ENOX1: variants seen among roughly 807,000 people sequenced by gnomAD.
ENOX1 encodes ecto-NOX disulfide-thiol exchanger 1.
ENOX1 carries 42 observed loss-of-function variants against 82.5 expected under a neutral mutation model. The observed-to-expected ratio is 0.51, with a 90% CI of 0.40 to 0.66. The LOEUF (loss-of-function observed/expected upper bound fraction) is 0.66. Ranked by LOEUF, ENOX1 falls within the 30% of genes least tolerant of loss-of-function variation. The probability of loss-of-function intolerance (pLI) is 0.00; values close to 1 mark genes in which losing one functional copy is unlikely to be tolerated. For missense variants in ENOX1, 608 were observed against 811.6 expected (o/e 0.75, Z 3.05); for synonymous variants, 271 against 282.2 (o/e 0.96, Z 0.40).
At position 43,235,249 on chromosome 13, in the gene ENOX1, CA is replaced by C. The variant is rs971723253; in HGVS notation, c.1714+1386del. Among the ~76,000 whole-genome samples, 88 of 147,492 alleles carry C rather than the reference CA, an allele frequency of 6.0e-4. 1 individual carries two copies. Among genetic ancestry groups the C allele is most frequent in the African/African-American group, 1.7e-3 (69 of 40,442 alleles). On this transcript the variant is annotated intron_variant, in intron 15 of 16. Transcript: ENST00000690772. ...TTATTACAGCTGTATATCATCAGAG[CA>C]AAAAAAAAATAATTGGTTTTCCTGG... is the stretch of plus-strand genomic sequence containing the variant.
intron 2 of ENOX1, among the ~76,000 whole-genome samples, chr13:43,614,371 A>G (rs913563920): frequency 6.6e-6 from 1 of 152,150 alleles, no homozygotes; most frequent in Non-Finnish European, 1.5e-5. Flanking sequence ...CCTGGAATGA[A>G]GTTACCCCTA....
intron 1 of ENOX1, among the ~76,000 whole-genome samples, chr13:43,683,059 C>A (rs1456462934): frequency 6.6e-6 from 1 of 152,106 alleles, no homozygotes; most frequent in Non-Finnish European, 1.5e-5. Flanking sequence ...TCTAAGGTAT[C>A]TCATCCTTTA....
chr13:43,374,546 G>A (rs1024920528), intron 5 of ENOX1, among the ~76,000 whole-genome samples: 3 of 152,108 alleles, frequency 2.0e-5, no homozygotes, highest in Non-Finnish European at 4.4e-5. Context: ...TGCCCAGAAA[G>A]GATTTTTCAT....
chr13:43,468,844 C>A (rs964608759), intron 3 of ENOX1, among the ~76,000 whole-genome samples: 1 of 152,046 alleles, frequency 6.6e-6, no homozygotes, highest in African/African-American at 2.4e-5. Context: ...AAGTTTATTC[C>A]TAAGCATTTT....
intron 2 of ENOX1, among the ~76,000 whole-genome samples, chr13:43,568,374 AAAG>A (rs1346868345): frequency 6.6e-6 from 1 of 152,216 alleles, no homozygotes; most frequent in Non-Finnish European, 1.5e-5. Flanking sequence ...AGCTTTTGCC[AAAG>A]AAGAGTTGTC....
intron 2 of ENOX1, among the ~76,000 whole-genome samples, chr13:43,622,374 G>C (rs1319162955): frequency 1.3e-5 from 2 of 152,178 alleles, no homozygotes; most frequent in African/African-American, 2.4e-5. Context: ...ATTTGGGTAG[G>C]CTCTGTCAGA....
intron 1 of ENOX1, among the ~76,000 whole-genome samples, chr13:43,749,561 A>C (rs978605519): frequency 6.6e-6 from 1 of 152,226 alleles, no homozygotes; most frequent in African/African-American, 2.4e-5. Flanking sequence ...CAAGTAGCAA[A>C]GATGCACCTG....
chr13:43,687,342 A>G (rs1460052242), intron 1 of ENOX1, among the ~76,000 whole-genome samples: 1 of 152,310 alleles, frequency 6.6e-6, no homozygotes, highest in South Asian at 2.1e-4. Context: ...TGACACAGTC[A>G]TATTGGACGG....
At chr13:43,781,383 T>C (rs1206780238) in intron 1 of ENOX1, among the ~76,000 whole-genome samples, 8 of 152,186 alleles carry the variant, frequency 5.3e-5, no homozygotes, top group African/African-American at 1.9e-4. Flanking sequence ...ACAGTGTAAA[T>C]ATGAAAATTT....
At chr13:43,316,835 TAG>T (rs1444882726) in intron 11 of ENOX1, among the ~76,000 whole-genome samples, 1 of 152,068 alleles carries the variant, frequency 6.6e-6, no homozygotes, top group African/African-American at 2.4e-5. Context: ...AAACTCTGTT[TAG>T]AGTTTAGGAA....
intron 2 of ENOX1, among the ~76,000 whole-genome samples, chr13:43,591,344 A>G (rs1303005225): frequency 6.6e-6 from 1 of 152,266 alleles, no homozygotes; most frequent in African/African-American, 2.4e-5. Flanking sequence ...TAATACAGAT[A>G]AATCTCAGGG....
chr13:43,566,757 G>T (rs560535456), intron 2 of ENOX1, among the ~76,000 whole-genome samples: 1 of 151,842 alleles, frequency 6.6e-6, no homozygotes, highest in Non-Finnish European at 1.5e-5. Context: ...AGAAGAGAAG[G>T]TATAGATCTT....
At chr13:43,760,420 G>C (rs1950897240) in intron 1 of ENOX1, among the ~76,000 whole-genome samples, 1 of 152,086 alleles carries the variant, frequency 6.6e-6, no homozygotes, top group Admixed American at 6.5e-5. Flanking sequence ...AACTCTCTGA[G>C]GGATGTAGAG....
chr13:43,754,103 C>T (rs987732809), intron 1 of ENOX1, among the ~76,000 whole-genome samples: 5 of 9,954 alleles, frequency 5.0e-4, no homozygotes, highest in Non-Finnish European at 2.3e-3. Flanking sequence ...TATATGTATA[C>T]GTATATGTAT....
At chr13:43,410,654 A>G (rs1323926394) in intron 5 of ENOX1, among the ~76,000 whole-genome samples, 1 of 151,582 alleles carries the variant, frequency 6.6e-6, no homozygotes, top group African/African-American at 2.4e-5. Flanking sequence ...ACACACACAT[A>G]TTACTACAGT....
chr13:43,294,557 G>GA (rs1012508008), intron 12 of ENOX1, among the ~76,000 whole-genome samples: 1 of 152,192 alleles, frequency 6.6e-6, no homozygotes, highest in Non-Finnish European at 1.5e-5. Flanking sequence ...AGACGCTTGG[G>GA]AAAAGAGTTT....
At position 43,531,375 on chromosome 13, in the gene ENOX1, C is replaced by T. The variant is rs369232779; in HGVS notation, c.-218-47223G>A. The stretch of plus-strand genomic sequence containing the variant: ...AATGCAAATCAAAACCACAATGAGA[C>T]ACCATCTCACACCAGTTAGAATGGT... On this transcript the variant is annotated intron_variant, in intron 2 of 16. Coordinates refer to ENST00000690772, the MANE Select transcript of ENOX1 (RefSeq NM_001347969.2). 3.2e-4 allele frequency among the ~76,000 whole-genome samples: 48 copies of T among 151,802 alleles called. 1 individual carries two copies. In the East Asian group the frequency reaches 5.3e-3, roughly 17 times the overall value.
At chr13:43,725,410 C>T (rs1031518378) in intron 1 of ENOX1, among the ~76,000 whole-genome samples, 1 of 151,912 alleles carries the variant, frequency 6.6e-6, no homozygotes. Flanking sequence ...TCAGAGCTCA[C>T]CAAGTAGTAG....
chr13:43,718,864 T>A (rs1293276524), intron 1 of ENOX1, among the ~76,000 whole-genome samples: 3 of 152,160 alleles, frequency 2.0e-5, no homozygotes, highest in Non-Finnish European at 4.4e-5. Flanking sequence ...ATAAAGGTTT[T>A]ACACATTTAT....
Sources: allele counts gnomAD v4.1 joint callset (sites outside exome capture counted in the v4.1 genomes callset), GRCh38; gene constraint gnomAD v4.1.1; transcripts MANE v1.5; gene names NCBI Gene and HGNC (gene_info 2026-07-23, HGNC 2026-07-21).